Variants in FAM53A observed in about 807,000 individuals in gnomAD.
FAM53A encodes family with sequence similarity 53 member A.
A neutral mutation model predicts 26.6 loss-of-function variants in FAM53A; 28 were observed. The ratio of observed to expected loss-of-function variants is 1.05; its 90% CI spans 0.78 to 1.45. FAM53A has a LOEUF of 1.45. Among genes scored for constraint, FAM53A ranks in the 40% most tolerant of loss-of-function variants. The pLI, the probability that FAM53A is intolerant of heterozygous loss-of-function variation, is 0.00. For missense variants in FAM53A, 650 were observed against 575.8 expected, an observed-to-expected ratio of 1.13 and a Z score of -1.32; for synonymous variants, 290 against 253.1, an observed-to-expected ratio of 1.15 and a Z score of -1.38.
the FAM53A span, among the ~76,000 whole-genome samples, chr4:1,590,978 AT>A: frequency 7.8e-6 from 1 of 128,948 alleles, no homozygotes; most frequent in African/African-American, 2.9e-5. Flanking sequence ...ATATATATAT[AT>A]ATATATATAT....
the FAM53A span, among the ~76,000 whole-genome samples, chr4:1,590,989 T>TACACACAC: frequency 7.9e-6 from 1 of 126,848 alleles, no homozygotes; most frequent in African/African-American, 3.5e-5. Flanking sequence ...TATATATATA[T>TACACACAC]ATATATATAT....
In FAM53A at chr4:1,621,264, C is replaced by T. The variant is rs528074289; in HGVS notation, c.432-3153G>A. Among the ~76,000 whole-genome samples the T allele has an allele frequency of 5.1e-4, 78 of 152,110 alleles. 1 individual carries two copies. The highest frequency in any genetic ancestry group is 1.5e-3 in the African/African-American group (64 of 41,518). ...GACTACAGGCGCCCGCCACCTCACCCGGCTAATTTTTTGTATTTTTTAGTA... is the reference window on the plus strand; with the variant it reads ...GACTACAGGCGCCCGCCACCTCACCTGGCTAATTTTTTGTATTTTTTAGTA... On this transcript the variant is annotated intron_variant, in intron 1 of 1. Transcript: ENST00000489029.
chr4:1,660,537 G>A (rs536907624), intron 2 of FAM53A, among the ~76,000 whole-genome samples: 82 of 150,746 alleles, frequency 5.4e-4, no homozygotes, highest in African/African-American at 1.8e-3. Context: ...TGCAGCGAAC[G>A]ACTGAGTGCA....
Position 1,641,324 on chromosome 4 carries a change from T to A in FAM53A, c.1166A>T (p.Glu389Val). The A allele has an allele frequency of 6.2e-7, 1 of 1,612,296 alleles. No individual in the cohort carries two copies. Among genetic ancestry groups the A allele is most frequent in the Non-Finnish European group, 8.5e-7 (1 of 1,179,640 alleles). The change falls in exon 5 of 5, where the codon GAG becomes GTG. Residue 389 changes from glutamate to valine, a missense_variant. Physicochemically the swap from Glu to Val is moderately radical, Grantham distance 121 (BLOSUM62 -2). Coordinates refer to ENST00000308132, the MANE Select transcript of FAM53A (RefSeq NM_001174070.3). ...EEGVFPRARW[E>V]LDLEQIENN ...GTTCTCGATCTGCTCCAGGTCCAGC[T>A]CCCAGCGGGCCCGGGGGAAGACGCC...
At chr4:1,672,427 G>T (rs989560760) in intron 1 of FAM53A, among the ~76,000 whole-genome samples, 1 of 152,196 alleles carries the variant, frequency 6.6e-6, no homozygotes, top group African/African-American at 2.4e-5. Context: ...AGGTGAGGTG[G>T]GGGTGGCGGG....
At chr4:1,671,270 G>A (rs35494637) in intron 1 of FAM53A, among the ~76,000 whole-genome samples, 889 of 81,092 alleles carry the variant, frequency 0.011, no homozygotes, top group African/African-American at 0.052. Flanking sequence ...CTGTCCCAGC[G>A]TCAGAGCCAC....
chr4:1,586,438 AC>A, the FAM53A span, among the ~76,000 whole-genome samples: 2 of 150,054 alleles, frequency 1.3e-5, no homozygotes, highest in Non-Finnish European at 3.0e-5. Context: ...CAGGTGGTCC[AC>A]CCCCCCAGCC....
intron 4 of FAM53A, among the ~76,000 whole-genome samples, chr4:1,651,605 T>C (rs1577117262): frequency 6.7e-6 from 1 of 149,402 alleles, no homozygotes; most frequent in Admixed American, 6.6e-5. Context: ...CCGAAGAGGG[T>C]ATCAAGGCCT....
At chr4:1,639,676 G>A (rs1472469609), downstream of FAM53A, among the ~76,000 whole-genome samples, 1 of 152,184 alleles carries the variant, frequency 6.6e-6, no homozygotes, top group Non-Finnish European at 1.5e-5. Context: ...CAGGGCAGAG[G>A]CAGGAGGGTC....
chr4:1,636,719 G>A (rs1469104009), downstream of FAM53A, among the ~76,000 whole-genome samples: 1 of 152,238 alleles, frequency 6.6e-6, no homozygotes, highest in Non-Finnish European at 1.5e-5. Flanking sequence ...GTGCGTGCCT[G>A]CCCAAGACCT....
intron 1 of FAM53A, among the ~76,000 whole-genome samples, chr4:1,631,723 C>T (rs17131978): frequency 0.037 from 5,622 of 152,206 alleles, 295 homozygotes; most frequent in African/African-American, 0.11. Flanking sequence ...CCAGCAAACA[C>T]GTGGAATAAA....
the FAM53A span, among the ~76,000 whole-genome samples, chr4:1,612,575 G>A: frequency 3.3e-5 from 5 of 152,128 alleles, no homozygotes; most frequent in African/African-American, 7.2e-5. Context: ...ACACACTCGC[G>A]TAAACACGCA....
chr4:1,601,576 C>T, the FAM53A span, among the ~76,000 whole-genome samples: 1,884 of 109,656 alleles, frequency 0.017, 524 homozygotes, highest in African/African-American at 0.038. Context: ...ATTTGCCATG[C>T]GCCCCATCTG....
the FAM53A span, among the ~76,000 whole-genome samples, chr4:1,582,141 C>A: frequency 6.6e-6 from 1 of 152,226 alleles, no homozygotes; most frequent in South Asian, 2.1e-4. Flanking sequence ...GTCAGCAATC[C>A]AAGAAATGAG....
chr4:1,644,342 G>A (rs1480562178), intron 4 of FAM53A: 1 of 1,535,784 alleles, frequency 6.5e-7, no homozygotes, highest in Admixed American at 2.0e-5. Flanking sequence ...CAGCTGTGCG[G>A]CTAGAGCGTG....
the FAM53A span, among the ~76,000 whole-genome samples, chr4:1,605,206 G>A: frequency 6.6e-6 from 1 of 152,162 alleles, no homozygotes; most frequent in Non-Finnish European, 1.5e-5. This position sits in a 1 kb window ranked among gnomAD's most constrained non-coding sequence, Gnocchi z 5.7. Flanking sequence ...GTGGGGGTGG[G>A]GTTGTTTCCG....
At chr4:1,612,649 C>T in the FAM53A span, among the ~76,000 whole-genome samples, 1 of 152,258 alleles carries the variant, frequency 6.6e-6, no homozygotes, top group African/African-American at 2.4e-5. Flanking sequence ...CACACACGCC[C>T]AGGCCTGCCG....
intron 2 of FAM53A, among the ~76,000 whole-genome samples, chr4:1,662,649 CAAAA>C (rs34936313): frequency 1.6e-4 from 17 of 104,494 alleles, no homozygotes; most frequent in Non-Finnish European, 2.7e-4. Context: ...GGCCCTGTCT[CAAAA>C]AAAAAAAAAA....
intron 1 of FAM53A, among the ~76,000 whole-genome samples, chr4:1,672,473 T>TGAGTGCA (rs1490819435): frequency 6.6e-6 from 1 of 152,072 alleles, no homozygotes; most frequent in Non-Finnish European, 1.5e-5. Flanking sequence ...GAGCCACTAG[T>TGAGTGCA]GAGTGCAGAG....
Sources: allele counts gnomAD v4.1 joint callset (sites outside exome capture counted in the v4.1 genomes callset), GRCh38; gene constraint gnomAD v4.1.1; non-coding constraint Gnocchi (gnomAD v3.1); transcripts MANE v1.5; gene names NCBI Gene and HGNC (gene_info 2026-07-23, HGNC 2026-07-21).